Variants in SVOPL observed in about 807,000 individuals in gnomAD.
The protein encoded by SVOPL is SVOP like.
SVOPL carries 60 observed loss-of-function variants against 61.0 expected under a neutral mutation model. The ratio of observed to expected loss-of-function variants is 0.98; its 90% CI spans 0.80 to 1.22. The LOEUF is 1.22. SVOPL is among the 50% of genes most tolerant of loss of function. The pLI is 0.00. For missense variants in SVOPL, 662 were observed against 643.9 expected (o/e 1.03, Z -0.30); for synonymous variants, 279 against 250.0 (o/e 1.12, Z -1.09).
At chr7:138,664,557 G>A (rs955941028) in intron 4 of SVOPL, among the ~76,000 whole-genome samples, 2 of 144,266 alleles carry the variant, frequency 1.4e-5, no homozygotes, top group African/African-American at 2.6e-5. Context: ...TCCATCAGGC[G>A]CGCGCCTAAC....
At chr7:138,680,611 C>A (rs1802679846) in intron 1 of SVOPL, among the ~76,000 whole-genome samples, 1 of 151,886 alleles carries the variant, frequency 6.6e-6, no homozygotes, top group African/African-American at 2.4e-5. Context: ...CGGAGTCTTG[C>A]TCTGTCGCCC....
At position 138,662,808 on chromosome 7, in the gene SVOPL, C is replaced by T. The variant is rs560140400; in HGVS notation, c.345+266G>A. ...AGCGGCCTTCCTTCCTTTAATCCTT[C>T]TGGGTAGAGATTTCTTAGAACTCTA... On this transcript the variant is annotated intron_variant, in intron 5 of 15. Coordinates refer to ENST00000674285, the MANE Select transcript of SVOPL (RefSeq NM_001139456.2). 8 of 1,270,702 alleles carry T rather than the reference C, an allele frequency of 6.3e-6. No homozygotes were observed. The Admixed American group carries it at 2.1e-4, about 34-fold the overall frequency. 78.7% of individuals were successfully genotyped at this position (1,270,702 alleles called of 1,614,324 possible). A position where few individuals can be genotyped will look rare whatever the true frequency, so the allele number is the denominator to read the frequency against.
intron 9 of SVOPL, among the ~76,000 whole-genome samples, chr7:138,632,543 G>A (rs780779527): frequency 2.5e-4 from 38 of 152,178 alleles, no homozygotes; most frequent in Non-Finnish European, 5.0e-4. Flanking sequence ...GAGGAAGTGG[G>A]AACAGAAGGA....
chr7:138,650,235 C>T (rs987521650), intron 7 of SVOPL, among the ~76,000 whole-genome samples: 5 of 152,062 alleles, frequency 3.3e-5, no homozygotes, highest in Admixed American at 6.6e-5. Context: ...CACTGATGGA[C>T]GTTTCGACTG....
chr7:138,612,025 G>A, intron 14 of SVOPL, among the ~76,000 whole-genome samples: 1 of 28,536 alleles, frequency 3.5e-5, no homozygotes, highest in Non-Finnish European at 7.5e-5. Context: ...GTAGACATGG[G>A]AGACTTTTCA....
chr7:138,656,526 G>A lies in SVOPL; in HGVS notation c.471-15C>T. ...TTATGATTAACCTAAACAGGAAGCA[G>A]GAAAAAGCATAATTTTGTTTTAAAA... On this transcript the variant is annotated splice_polypyrimidine_tract_variant and intron_variant, in intron 6 of 15. Coordinates refer to ENST00000674285, the MANE Select transcript of SVOPL (RefSeq NM_001139456.2). 6.2e-7 allele frequency: 1 copy of A among 1,612,184 alleles called. No homozygotes were observed.
intron 3 of SVOPL, among the ~76,000 whole-genome samples, chr7:138,674,924 G>A (rs1259817497): frequency 6.6e-6 from 1 of 151,930 alleles, no homozygotes; most frequent in Admixed American, 6.6e-5. Context: ...CTGGGTGAAG[G>A]TGGAGGAGAG....
intron 14 of SVOPL, among the ~76,000 whole-genome samples, chr7:138,618,073 CA>C (rs1368883858): frequency 6.6e-6 from 1 of 152,124 alleles, no homozygotes. Context: ...GGAGCTGGCA[CA>C]AAGCTTCCCA....
chr7:138,620,895 C>T (rs2116870729), intron 14 of SVOPL, 151 bp downstream of exon 14: 1 of 739,280 alleles, frequency 1.4e-6, no homozygotes, highest in African/African-American at 1.8e-5. Context: ...CTCTCTCTAC[C>T]TAAATCCACC....
At chr7:138,695,963 G>T (rs796296191) in intron 1 of SVOPL, among the ~76,000 whole-genome samples, 1 of 151,906 alleles carries the variant, frequency 6.6e-6, no homozygotes, top group Non-Finnish European at 1.5e-5. Context: ...TGTATTTTTA[G>T]TAGAGACAGG....
intron 14 of SVOPL, among the ~76,000 whole-genome samples, chr7:138,601,633 G>A (rs1470465100): frequency 1.3e-5 from 2 of 151,868 alleles, no homozygotes; most frequent in East Asian, 3.9e-4. Flanking sequence ...ATGTAGGGGA[G>A]AAAAAAAGAA....
intron 5 of SVOPL, chr7:138,660,308 G>A (rs1801947834): frequency 7.4e-6 from 8 of 1,077,662 alleles, no homozygotes; most frequent in African/African-American, 3.3e-5. Flanking sequence ...TGCTGGGGAC[G>A]TAATGAGGCA....
intron 14 of SVOPL, among the ~76,000 whole-genome samples, chr7:138,603,091 C>T (rs1584768505): frequency 6.6e-6 from 1 of 152,186 alleles, no homozygotes; most frequent in African/African-American, 2.4e-5. Context: ...GACTGGAACA[C>T]ACACAGACAT....
chr7:138,663,355 T>C (rs989755534), intron 4 of SVOPL: 2 of 1,415,122 alleles, frequency 1.4e-6, no homozygotes, highest in African/African-American at 1.4e-5. Context: ...ACAAGGCAGA[T>C]CCTGCCCCAG....
intron 10 of SVOPL, among the ~76,000 whole-genome samples, chr7:138,629,704 T>A (rs1470065914): frequency 6.6e-6 from 1 of 152,010 alleles, no homozygotes; most frequent in Non-Finnish European, 1.5e-5. Flanking sequence ...ACCACAAGAG[T>A]CTGTGCCACT....
Position 138,628,452 on chromosome 7 carries a change from A to C in SVOPL, c.864-89T>G, listed in dbSNP as rs1423477522. 4 of 1,357,934 alleles carry C rather than the reference A, an allele frequency of 2.9e-6. No homozygotes were observed. The African/African-American group carries it at 4.3e-5, about 15-fold the overall frequency. The allele number at this position is 1,357,934 out of a possible 1,614,324, so 84.1% of individuals were successfully genotyped here. ...GGGGATACCAAGTGGAACGTGTAGCATGTGGAAAGCAAAGAGAGCAGAAAG... is the reference window on the plus strand; with the variant it reads ...GGGGATACCAAGTGGAACGTGTAGCCTGTGGAAAGCAAAGAGAGCAGAAAG... On this transcript the variant is annotated intron_variant, in intron 10 of 15. Coordinates refer to ENST00000674285, the MANE Select transcript of SVOPL (RefSeq NM_001139456.2).
chr7:138,697,322 C>CA (rs1199667372), intron 1 of SVOPL, among the ~76,000 whole-genome samples: 2 of 151,434 alleles, frequency 1.3e-5, no homozygotes, highest in East Asian at 1.9e-4. Flanking sequence ...AAAAAATTGC[C>CA]AAAAAAATAC....
At chr7:138,656,394 T>TAC in intron 7 of SVOPL, 54 bp downstream of exon 7, 5 of 1,561,720 alleles carry the variant, frequency 3.2e-6, no homozygotes, top group Non-Finnish European at 4.4e-6. Context: ...TGCCTATATG[T>TAC]ACATCTTATC....
intron 14 of SVOPL, among the ~76,000 whole-genome samples, chr7:138,614,871 G>A (rs1799221896): frequency 6.6e-6 from 1 of 152,108 alleles, no homozygotes; most frequent in Admixed American, 6.6e-5. Flanking sequence ...ATTTTATAGA[G>A]ATTTTAAATG....
Sources: allele counts gnomAD v4.1 joint callset (sites outside exome capture counted in the v4.1 genomes callset), GRCh38; gene constraint gnomAD v4.1.1; transcripts MANE v1.5; gene names NCBI Gene and HGNC (gene_info 2026-07-23, HGNC 2026-07-21).